The following DMD variants were observed in gnomAD, a reference collection of about 807,000 sequenced individuals.
DMD encodes mutant dystrophin.
Under a neutral mutation model 330.1 loss-of-function variants are expected in DMD, and 63 were observed. That is an observed-to-expected ratio of 0.19 (90% CI 0.16 to 0.24). The LOEUF (loss-of-function observed/expected upper bound fraction) is 0.24. DMD is among the 10% of genes least tolerant of loss of function. The pLI, the probability that DMD is intolerant of heterozygous loss-of-function variation, is 1.00. For missense variants in DMD, 3,344 were observed against 2,684.1 expected (o/e 1.25, Z -5.43); for synonymous variants, 1,223 against 959.8 (o/e 1.27, Z -5.07).
At chrX:31,543,138 T>C (rs1237167917) in intron 55 of DMD, among the ~76,000 whole-genome samples, 1 of 109,451 alleles carries the variant, frequency 9.1e-6, no homozygotes. Flanking sequence ...GCTGGCCTGT[T>C]TTTTTTTTAA....
intron 63 of DMD, among the ~76,000 whole-genome samples, chrX:31,225,373 TAATA>T (rs2046476671): frequency 8.9e-6 from 1 of 112,456 alleles, no homozygotes; most frequent in Non-Finnish European, 1.9e-5. Context: ...TTTTCCTAAT[TAATA>T]GTTAGACGGG....
rs1027151880 is a variant in DMD at position 32,505,497 on chromosome X, G to A, written c.2293-3655C>T. Among the ~76,000 whole-genome samples the A allele has an allele frequency of 4.5e-5, 5 of 112,036 alleles. No homozygotes were observed. In the Admixed American group the frequency reaches 4.7e-4, roughly 11 times the overall value. On this transcript the variant is annotated intron_variant, in intron 18 of 78. Transcript: ENST00000357033. ...ACCTATTAGAATGGCCAAAATCCAAGAACACTGACAAAACCAAAAGCCGAC... is the reference window on the plus strand; with the variant it reads ...ACCTATTAGAATGGCCAAAATCCAAAAACACTGACAAAACCAAAAGCCGAC...
rs5902024 is a variant in DMD, at chrX:32,299,515, A to ATT, written c.6117+10565_6117+10566dup. 1.8e-3 allele frequency among the ~76,000 whole-genome samples: 183 copies of ATT among 100,592 alleles called. 1 individual carries two copies. Among genetic ancestry groups the ATT allele is most frequent in the South Asian group, 0.011 (25 of 2,185 alleles). The allele number at this position is 100,592 out of a possible 115,157, so 87.4% of individuals were successfully genotyped here. On this transcript the variant is annotated intron_variant, in intron 42 of 78. Transcript: ENST00000357033. ...TCTTCAGACACATCCTTCTGATACA[A>ATT]TTTTTTTTTTTTTTACCCTTACTGA...
intron 9 of DMD, among the ~76,000 whole-genome samples, chrX:32,674,561 T>A (rs772056377): frequency 9.0e-6 from 1 of 111,281 alleles, no homozygotes; most frequent in African/African-American, 3.3e-5. Flanking sequence ...GTTCTAGATA[T>A]GCGCTCGGTT....
intron 44 of DMD, among the ~76,000 whole-genome samples, chrX:32,093,202 A>G (rs2096487000): frequency 8.9e-6 from 1 of 112,520 alleles, no homozygotes; most frequent in Admixed American, 9.5e-5. Flanking sequence ...TGTGTTTAAT[A>G]TAAATTAAAG....
At chrX:31,478,806 T>C (rs984785708) in intron 58 of DMD, among the ~76,000 whole-genome samples, 177 bp downstream of exon 58, 6 of 112,357 alleles carry the variant, frequency 5.3e-5, no homozygotes, top group Non-Finnish European at 1.1e-4. Flanking sequence ...AACTGATTTA[T>C]GCATGGTAGT....
intron 9 of DMD, among the ~76,000 whole-genome samples, chrX:32,683,289 C>G (rs1274988106): frequency 9.0e-6 from 1 of 110,651 alleles, no homozygotes; most frequent in Admixed American, 9.7e-5. Flanking sequence ...CATCACATTA[C>G]TGGGTATATA....
chrX:31,513,626 A>T (rs2071877462), intron 55 of DMD, among the ~76,000 whole-genome samples: 1 of 111,741 alleles, frequency 8.9e-6, no homozygotes, highest in African/African-American at 3.2e-5. Context: ...ATGCTCTCTA[A>T]TTTTTTTCTT....
At chrX:32,518,648 T>C (rs1315189316) in intron 17 of DMD, among the ~76,000 whole-genome samples, 1 of 110,995 alleles carries the variant, frequency 9.0e-6, no homozygotes, top group Non-Finnish European at 1.9e-5. Context: ...AGCTTGACTT[T>C]TTAGAGCACA....
rs775865874 is a variant in DMD, at chrX:32,410,406, G to C, written c.4233+1346C>G. Among the ~76,000 whole-genome samples, 455 of 111,743 alleles carry C rather than the reference G, an allele frequency of 4.1e-3. 2 individuals are homozygous for C. The highest frequency in any genetic ancestry group is 7.1e-3 in the Non-Finnish European group (379 of 53,081). Reference sequence around the variant, plus strand: ...CCACATATTATCAGGGACATTCTTGGTCAAAGTTAGACAATATGGTAAATT... The same window carrying C: ...CCACATATTATCAGGGACATTCTTGCTCAAAGTTAGACAATATGGTAAATT... On this transcript the variant is annotated intron_variant, in intron 30 of 78. Transcript: ENST00000357033.
chrX:31,495,403 C>T (rs771664453), intron 57 of DMD, among the ~76,000 whole-genome samples: 1 of 111,314 alleles, frequency 9.0e-6, no homozygotes, highest in Non-Finnish European at 1.9e-5. Context: ...CTTTTATTCT[C>T]ATTTCCAAAA....
At chrX:31,745,913 T>TATG (rs3038562) in intron 51 of DMD, among the ~76,000 whole-genome samples, 12,691 of 111,330 alleles carry the variant, frequency 0.11, 1,192 homozygotes, top group African/African-American at 0.28. Flanking sequence ...TAACATATGT[T>TATG]ATGATGTCAC....
chrX:31,230,204 C>T (rs2047058530), intron 63 of DMD, among the ~76,000 whole-genome samples: 1 of 111,937 alleles, frequency 8.9e-6, no homozygotes, highest in South Asian at 3.7e-4. Flanking sequence ...AAAAATAAAC[C>T]TACACACAGA....
At chrX:32,621,398 T>C (rs913736772) in intron 11 of DMD, among the ~76,000 whole-genome samples, 2 of 111,244 alleles carry the variant, frequency 1.8e-5, no homozygotes, top group African/African-American at 6.5e-5. Flanking sequence ...CCCAGTAATC[T>C]TTCATGTTCT....
intron 52 of DMD, among the ~76,000 whole-genome samples, chrX:31,708,919 A>C (rs1336600210): frequency 2.7e-5 from 3 of 111,865 alleles, no homozygotes; most frequent in African/African-American, 9.7e-5. Context: ...AAGACTTTTG[A>C]AATCAAACTT....
At chrX:31,259,828 CT>C (rs1257836378) in intron 63 of DMD, among the ~76,000 whole-genome samples, 1 of 110,640 alleles carries the variant, frequency 9.0e-6, no homozygotes, top group African/African-American at 3.3e-5. Context: ...TACGTACCCC[CT>C]GACACACACA....
intron 2 of DMD, among the ~76,000 whole-genome samples, chrX:32,883,524 G>T (rs1424562506): frequency 9.0e-6 from 1 of 110,841 alleles, no homozygotes; most frequent in East Asian, 2.8e-4. Flanking sequence ...TAAATTTGTT[G>T]TTAGAAAATG....
At chrX:31,364,007 AAGG>A (rs928914769) in intron 60 of DMD, among the ~76,000 whole-genome samples, 2 of 112,616 alleles carry the variant, frequency 1.8e-5, no homozygotes, top group African/African-American at 6.5e-5. Flanking sequence ...CTGGTTGAGG[AAGG>A]AGAAGTTAAC....
chrX:31,219,939 CTA>C (rs1391673348), intron 64 of DMD, among the ~76,000 whole-genome samples: 1 of 110,755 alleles, frequency 9.0e-6, no homozygotes, highest in African/African-American at 3.3e-5. Context: ...TGAGATTACA[CTA>C]TTATATATTT....
Sources: gnomAD v4.1 joint callset for allele counts (sites outside exome capture counted in the v4.1 genomes callset) on GRCh38, gnomAD v4.1.1 for gene constraint, MANE v1.5 for transcripts, NCBI Gene and HGNC (gene_info 2026-07-23, HGNC 2026-07-21) for gene names.